The following THBS4 variants were observed in gnomAD, a reference collection of about 807,000 sequenced individuals.
The protein encoded by THBS4 is thrombospondin 4, also known as thrombospondin-4.
A neutral mutation model predicts 115.7 loss-of-function variants in THBS4; 90 were observed. The ratio of observed to expected loss-of-function variants is 0.78; its 90% CI spans 0.66 to 0.93. The LOEUF (loss-of-function observed/expected upper bound fraction) is 0.93, where lower values mean the gene tolerates loss of function less well. Among genes scored for constraint, THBS4 ranks in the 40% least tolerant of loss-of-function variants. THBS4 has a pLI of 0.00. For synonymous variants in THBS4, 460 were observed against 479.3 expected (o/e 0.96, Z 0.53); for missense variants, 1,087 against 1,232.7 (o/e 0.88, Z 1.77).
At chr5:80,019,252 T>A (rs529328962) in intron 2 of THBS4, among the ~76,000 whole-genome samples, 2 of 152,286 alleles carry the variant, frequency 1.3e-5, no homozygotes, top group African/African-American at 4.8e-5. Context: ...CTATAGAGCC[T>A]GGATTCTTCA....
At chr5:80,011,890 AAAAAG>A (rs1013974504) in intron 2 of THBS4, among the ~76,000 whole-genome samples, 4 of 152,000 alleles carry the variant, frequency 2.6e-5, no homozygotes, top group Non-Finnish European at 5.9e-5. Flanking sequence ...AAAAAAGAAA[AAAAAG>A]AAAGAAAGAA....
upstream of THBS4, among the ~76,000 whole-genome samples, chr5:80,031,422 A>C (rs373409981): frequency 5.9e-5 from 9 of 152,370 alleles, no homozygotes; most frequent in African/African-American, 2.2e-4. Flanking sequence ...TACAACAATT[A>C]GAAAAGAAAT....
At chr5:80,080,295 G>A (rs1743422924) in intron 20 of THBS4, 3 of 564,070 alleles carry the variant, frequency 5.3e-6, no homozygotes, top group Non-Finnish European at 9.4e-6. Context: ...CCAAGATGGG[G>A]ATAGAAGGAG....
intron 2 of THBS4, among the ~76,000 whole-genome samples, chr5:80,013,647 G>T (rs971131287): frequency 1.3e-5 from 2 of 152,134 alleles, no homozygotes; most frequent in Non-Finnish European, 2.9e-5. Context: ...GTAGCATGGG[G>T]TTGAGAAAGC....
intron 15 of THBS4, chr5:80,075,419 G>C (rs914754028): frequency 6.6e-5 from 10 of 152,190 alleles, no homozygotes; most frequent in African/African-American, 2.4e-4. Context: ...GCAGAAAACA[G>C]GGGCCGTGTT....
intron 2 of THBS4, among the ~76,000 whole-genome samples, chr5:80,021,063 T>C (rs1832362334): frequency 6.6e-6 from 1 of 152,186 alleles, no homozygotes; most frequent in Admixed American, 6.5e-5. Flanking sequence ...GTTAAAATGT[T>C]TTGGGCCACA....
At position 80,021,079 on chromosome 5, in the gene THBS4, A is replaced by T. The variant is rs1406721776; in HGVS notation, n.178-18998A>T. ...TTAAAATGTTTTGGGCCACAGAAGG[A>T]ATTGCCAATTCTAGTACTAATTTGG... On this transcript the variant is annotated intron_variant and non_coding_transcript_variant, in intron 2 of 3. Coordinates refer to the THBS4 transcript ENST00000510218. Among the ~76,000 whole-genome samples the T allele has an allele frequency of 2.0e-5, 3 of 152,202 alleles. No individual in the cohort carries two copies. In the East Asian group the frequency reaches 5.8e-4, roughly 29 times the overall value.
intron 2 of THBS4, among the ~76,000 whole-genome samples, chr5:80,021,343 CA>C (rs1832369899): frequency 6.6e-6 from 1 of 151,820 alleles, no homozygotes; most frequent in African/African-American, 2.4e-5. Flanking sequence ...AAGAGATTTG[CA>C]AAAAGGTAAA....
chr5:80,018,676 TG>T (rs572783513), intron 2 of THBS4, among the ~76,000 whole-genome samples: 39 of 152,342 alleles, frequency 2.6e-4, no homozygotes, highest in African/African-American at 8.7e-4. Context: ...ATTACAGGTG[TG>T]AGCCACCGTG....
In THBS4 at chr5:80,059,760, C is replaced by T; in HGVS notation, c.842C>T (p.Ala281Val). ...ACGGTGGTGCCCCCGGCTCCCCCTG[C>T]ACCGCCAACACGCCCACCTCGTCGG... ...PSTVVPPAPP[A>V]PPTRPPRRCD... The change falls in exon 7 of 22, where the codon GCA becomes GTA. Residue 281 changes from alanine (A) to valine (V), a missense_variant. Physicochemically the swap from Ala to Val is moderately conservative, Grantham distance 64. Coordinates refer to ENST00000350881, the MANE Select transcript of THBS4 (RefSeq NM_003248.6). The T allele has an allele frequency of 6.2e-7, 1 of 1,614,216 alleles. No individual in the cohort carries two copies. Among genetic ancestry groups the T allele is most frequent in the South Asian group, 1.1e-5 (1 of 91,084 alleles).
intron 1 of THBS4, among the ~76,000 whole-genome samples, chr5:79,993,211 A>G (rs570384112): frequency 6.6e-6 from 1 of 152,326 alleles, no homozygotes; most frequent in African/African-American, 2.4e-5. Context: ...TTGAATTGAG[A>G]CAGAATAGCA....
chr5:80,051,936 G>C (rs1054022933), intron 2 of THBS4, among the ~76,000 whole-genome samples: 6 of 152,110 alleles, frequency 3.9e-5, no homozygotes, highest in African/African-American at 1.4e-4. Context: ...CTTAGTTTGA[G>C]GAAGAAAAAT....
rs1006289156 is a variant in THBS4 at position 80,079,146 on chromosome 5, T to C, written c.2399T>C (p.Phe800Ser). 2 of 1,614,072 alleles carry C rather than the reference T, an allele frequency of 1.2e-6. No homozygotes were observed. The highest frequency in any genetic ancestry group is 8.5e-7 in the Non-Finnish European group (1 of 1,180,024). The change falls in exon 19 of 22, where the codon TTT becomes TCT. Residue 800 changes from phenylalanine (F) to serine (S), a missense_variant. Phe to Ser is a radical substitution (Grantham distance 155, BLOSUM62 -2). Around this residue, in one of 3 missense-constraint regions of THBS4, gnomAD observed 979 missense variants for 1,103.7 expected, o/e 0.89. Coordinates refer to ENST00000350881, the MANE Select transcript of THBS4 (RefSeq NM_003248.6). ...QTDDDYAGFI[F>S]GYQDSSSFYV... ...GATGATGACTATGCAGGCTTTATCT[T>C]TGGCTACCAAGATAGCTCCAGCTTC...
Position 80,070,678 on chromosome 5 carries a change from A to G in THBS4, c.1488A>G (p.Glu496=), listed in dbSNP as rs747641126. 6.2e-7 allele frequency: 1 copy of G among 1,614,220 alleles called. No homozygotes were observed. The highest frequency in any genetic ancestry group is 1.3e-5 in the African/African-American group (1 of 75,058). Residue 496 remains glutamate (E), a synonymous_variant, in exon 12 of 22, where the codon GAA becomes GAG. Transcript: ENST00000350881. ...AATATGTGCCAAATTCTGGCCAAGAAGATGCAGACAGAGATGGCATTGGCG... is the reference window on the plus strand; with the variant it reads ...AATATGTGCCAAATTCTGGCCAAGAGGATGCAGACAGAGATGGCATTGGCG... ...NCKYVPNSGQ[E]DADRDGIGDA... is the part of the protein sequence containing the mutation.
chr5:80,071,318 C>T, intron 13 of THBS4, 138 bp downstream of exon 13: 2 of 1,429,388 alleles, frequency 1.4e-6, no homozygotes, highest in Middle Eastern at 2.5e-4. Context: ...ATCTGGAAGA[C>T]CCAAGGTGGA....
intron 3 of THBS4, among the ~76,000 whole-genome samples, chr5:80,057,692 A>AAC (rs1241376279): frequency 2.0e-5 from 3 of 152,238 alleles, no homozygotes; most frequent in Non-Finnish European, 4.4e-5. Flanking sequence ...CTTTTTGACT[A>AAC]ACAATGAATA....
rs148054888 is a variant in THBS4 at position 80,059,811 on chromosome 5, G to A, written c.893G>A (p.Gly298Asp). 5.8e-5 allele frequency: 94 copies of A among 1,614,188 alleles called. No individual in the cohort carries two copies. In the African/African-American group the frequency reaches 8.8e-4, roughly 15 times the overall value. The change falls in exon 7 of 22, where the codon GGT (glycine) becomes GAT (aspartate). Residue 298 changes from glycine to aspartate, a missense_variant. Transcript: ENST00000350881. Reference protein sequence around the residue: ...RRCDSNPCFRGVQCTDSRDGF... With the variant: ...RRCDSNPCFRDVQCTDSRDGF... The stretch of plus-strand genomic sequence containing the variant: ...TGTGACTCCAACCCATGTTTCCGAG[G>A]TGTCCAATGTACCGACAGTAGAGAT...
intron 2 of THBS4, among the ~76,000 whole-genome samples, chr5:80,011,176 A>G (rs1332393498): frequency 6.6e-6 from 1 of 152,200 alleles, no homozygotes; most frequent in African/African-American, 2.4e-5. Flanking sequence ...GCTGCCATCC[A>G]TGTAAGACGT....
chr5:80,035,470 C>G lies in THBS4; in HGVS notation c.-68C>G. On this transcript the variant is annotated 5_prime_UTR_variant, in exon 1 of 22. Transcript: ENST00000350881. This position sits in a 1 kb window ranked among gnomAD's most constrained non-coding sequence, Gnocchi z 4.6. ...CGCCGACCGAGGTTCAACGCACGGC[C>G]CGGGGACCCCCAGGCGGGGCCAACG... is the stretch of plus-strand genomic sequence containing the variant. 2 of 1,164,916 alleles carry G rather than the reference C, an allele frequency of 1.7e-6. No homozygotes were observed. The highest frequency in any genetic ancestry group is 2.2e-6 in the Non-Finnish European group (2 of 918,110). 72.2% of individuals were successfully genotyped at this position (1,164,916 alleles called of 1,614,324 possible). A position where few individuals can be genotyped will look rare whatever the true frequency, so the allele number is the denominator to read the frequency against.
Sources: allele counts gnomAD v4.1 joint callset (sites outside exome capture counted in the v4.1 genomes callset), GRCh38; gene constraint gnomAD v4.1.1; regional missense constraint gnomAD v4.1.1; non-coding constraint Gnocchi (gnomAD v3.1); transcripts MANE v1.5; gene names NCBI Gene and HGNC (gene_info 2026-07-23, HGNC 2026-07-21).